Variants in ITGB3BP observed in about 807,000 individuals in gnomAD.
ITGB3BP encodes integrin subunit beta 3 binding protein, also known as centromere protein R.
ITGB3BP carries 27 observed loss-of-function variants against 29.1 expected under a neutral mutation model. That is an observed-to-expected ratio of 0.93 (90% confidence interval 0.68 to 1.28). The LOEUF (loss-of-function observed/expected upper bound fraction) is 1.28, where lower values mean the gene tolerates loss of function less well. Among genes scored for constraint, ITGB3BP ranks in the 50% most tolerant of loss-of-function variants. The pLI, the probability that ITGB3BP is intolerant of heterozygous loss-of-function variation, is 0.00. For synonymous variants in ITGB3BP, 61 were observed against 61.4 expected, an observed-to-expected ratio of 0.99 and a Z score of 0.03; for missense variants, 192 against 200.2, an observed-to-expected ratio of 0.96 and a Z score of 0.25.
intron 4 of ITGB3BP, among the ~76,000 whole-genome samples, chr1:63,458,705 T>C (rs1644970331): frequency 6.6e-6 from 1 of 152,172 alleles, no homozygotes; most frequent in African/African-American, 2.4e-5. Flanking sequence ...CCTTACCATA[T>C]TGTAAGTTCC....
intron 1 of ITGB3BP, among the ~76,000 whole-genome samples, chr1:63,518,585 C>G (rs1421075064): frequency 6.8e-6 from 1 of 147,524 alleles, no homozygotes; most frequent in African/African-American, 2.5e-5. Context: ...CCTTTCTTTT[C>G]TTTCTTTTTT....
intron 4 of ITGB3BP, among the ~76,000 whole-genome samples, chr1:63,478,219 A>T (rs1645374873): frequency 6.6e-6 from 1 of 152,236 alleles, no homozygotes; most frequent in Non-Finnish European, 1.5e-5. Flanking sequence ...TGAATCCACA[A>T]ATGTGTAATA....
chr1:63,500,270 T>C (rs1645893344), intron 2 of ITGB3BP, among the ~76,000 whole-genome samples: 1 of 151,938 alleles, frequency 6.6e-6, no homozygotes, highest in Admixed American at 6.6e-5. Context: ...CCCAGGTACT[T>C]GGAAGGCCGA....
intron 1 of ITGB3BP, among the ~76,000 whole-genome samples, chr1:63,509,675 C>T (rs1294694693): frequency 1.3e-5 from 2 of 152,150 alleles, no homozygotes. Flanking sequence ...CCACATTACC[C>T]TATCACAACA....
rs1228900278 is a variant in ITGB3BP, at chr1:63,478,837, T to C, written c.185-4A>G. 2 of 1,146,360 alleles carry C rather than the reference T, an allele frequency of 1.7e-6. No homozygotes were observed. Among genetic ancestry groups the C allele is most frequent in the Non-Finnish European group, 2.5e-6 (2 of 806,272 alleles). 71.0% of individuals were successfully genotyped at this position (1,146,360 alleles called of 1,614,324 possible). The stretch of plus-strand genomic sequence containing the variant: ...TGATTCAATTTTTTTCTCTTTTCTA[T>C]ATATGTGTAATAAAGAAAAGGACAT... On this transcript the variant is annotated splice_region_variant and splice_polypyrimidine_tract_variant and intron_variant, in intron 3 of 8. Transcript: ENST00000271002.
At chr1:63,528,906 C>T (rs905440039) in intron 2 of ITGB3BP, among the ~76,000 whole-genome samples, 2 of 151,900 alleles carry the variant, frequency 1.3e-5, no homozygotes, top group African/African-American at 4.8e-5. Context: ...AGTAGTGTAG[C>T]AATATGATAA....
At chr1:63,504,154 G>A (rs1646012465) in intron 2 of ITGB3BP, among the ~76,000 whole-genome samples, 1 of 151,854 alleles carries the variant, frequency 6.6e-6, no homozygotes, top group East Asian at 1.9e-4. Context: ...AGCATGGAAT[G>A]TTCTTCCATT....
intron 7 of ITGB3BP, chr1:63,452,162 CT>C (rs1160924199): frequency 6.6e-6 from 1 of 152,020 alleles, no homozygotes; most frequent in Non-Finnish European, 1.5e-5. Flanking sequence ...AAAGTTTCCC[CT>C]GGAAGGAAAA....
In ITGB3BP at chr1:63,454,477, C is replaced by A; in HGVS notation, c.334-4G>T. The stretch of plus-strand genomic sequence containing the variant: ...GCTCTCTACTGCCCTCCAAAGCCTA[C>A]AAGAAAGTCATCTTGAATGAGTTAA... On this transcript the variant is annotated splice_region_variant and splice_polypyrimidine_tract_variant and intron_variant, in intron 5 of 8. Transcript: ENST00000271002. This position sits in a 1 kb window ranked among gnomAD's most constrained non-coding sequence, Gnocchi z 4.1. 1 of 1,514,044 alleles carries A rather than the reference C, an allele frequency of 6.6e-7. No individual in the cohort carries two copies. The highest frequency in any genetic ancestry group is 9.1e-7 in the Non-Finnish European group (1 of 1,097,824). The allele number at this position is 1,514,044 out of a possible 1,614,324, so 93.8% of individuals were successfully genotyped here.
At chr1:63,523,051 A>C in intron 1 of ITGB3BP, 78 bp downstream of exon 1, 1 of 1,544,672 alleles carries the variant, frequency 6.5e-7, no homozygotes. Context: ...AAAACGAGAA[A>C]GGCTACTGGG....
chr1:63,505,265 T>C (rs1454169152), intron 2 of ITGB3BP, among the ~76,000 whole-genome samples: 1 of 152,226 alleles, frequency 6.6e-6, no homozygotes, highest in Non-Finnish European at 1.5e-5. Flanking sequence ...GAGGAATTTA[T>C]CCATTTCTTC....
chr1:63,517,085 T>C (rs558872037), intron 1 of ITGB3BP, among the ~76,000 whole-genome samples: 5 of 151,900 alleles, frequency 3.3e-5, no homozygotes, highest in Non-Finnish European at 1.5e-5. Flanking sequence ...AAATGAAATA[T>C]AAAACAGAAA....
intron 3 of ITGB3BP, among the ~76,000 whole-genome samples, chr1:63,482,728 A>C (rs373812605): frequency 2.9e-4 from 41 of 143,502 alleles, no homozygotes; most frequent in African/African-American, 1.0e-3. Context: ...ATCTCTGCTC[A>C]CTGCAACCTC....
chr1:63,512,539 G>A (rs957137396), intron 1 of ITGB3BP, among the ~76,000 whole-genome samples: 2 of 152,052 alleles, frequency 1.3e-5, no homozygotes, highest in Non-Finnish European at 2.9e-5. Context: ...TGAATAACAG[G>A]ACTGAGGGGA....
chr1:63,449,629 G>A (rs1396186694), intron 7 of ITGB3BP: 1 of 153,650 alleles, frequency 6.5e-6, no homozygotes, highest in East Asian at 1.9e-4. Context: ...CATGATAGCT[G>A]AATCATTATA....
upstream of ITGB3BP, chr1:63,525,524 T>G: frequency 3.6e-6 from 5 of 1,388,282 alleles, no homozygotes; most frequent in Non-Finnish European, 4.7e-6. Flanking sequence ...ACATTTGTGT[T>G]TTAGTGACTC....
intron 1 of ITGB3BP, chr1:63,510,176 G>A (rs1386590529): frequency 1.9e-6 from 1 of 515,612 alleles, no homozygotes; most frequent in Non-Finnish European, 3.5e-6. Context: ...GGCAACGGGA[G>A]CAAAACTGTC....
chr1:63,513,843 A>G (rs1345669090), intron 1 of ITGB3BP, among the ~76,000 whole-genome samples: 1 of 152,180 alleles, frequency 6.6e-6, no homozygotes, highest in Non-Finnish European at 1.5e-5. Context: ...ACATACCACC[A>G]TGGAAAGCAA....
At chr1:63,493,454 A>AAACAAATC (rs1439092039) in intron 2 of ITGB3BP, among the ~76,000 whole-genome samples, 4 of 144,268 alleles carry the variant, frequency 2.8e-5, no homozygotes, top group African/African-American at 1.0e-4. Context: ...ACAAACAAAC[A>AAACAAATC]AACCTGCTTG....
Sources: allele counts gnomAD v4.1 joint callset (sites outside exome capture counted in the v4.1 genomes callset), GRCh38; gene constraint gnomAD v4.1.1; non-coding constraint Gnocchi (gnomAD v3.1); transcripts MANE v1.5; gene names NCBI Gene and HGNC (gene_info 2026-07-23, HGNC 2026-07-21).